Variants in KIF24 observed in about 807,000 individuals in gnomAD.
KIF24 encodes the protein kinesin family member 24, also known as kinesin-like protein KIF24.
In KIF24, 81 loss-of-function variants were observed where a neutral mutation model predicts 118.9. That is an observed-to-expected ratio of 0.68 (90% CI 0.57 to 0.82). The LOEUF is 0.82. Among genes scored for constraint, KIF24 ranks in the 40% least tolerant of loss-of-function variants. The pLI is 0.00. For missense variants in KIF24, 1,560 were observed against 1,661.6 expected (o/e 0.94, Z 1.06); for synonymous variants, 599 against 610.0 (o/e 0.98, Z 0.27).
intron 8 of KIF24, among the ~76,000 whole-genome samples, chr9:34,268,416 A>G (rs1835372613): frequency 6.6e-6 from 1 of 152,056 alleles, no homozygotes; most frequent in Non-Finnish European, 1.5e-5. Context: ...TCGGCCTCCA[A>G]AAGTGTTGGG....
At chr9:34,329,391 G>A (rs1445250999), upstream of KIF24, 1 of 152,260 alleles carries the variant, frequency 6.6e-6, no homozygotes, top group African/African-American at 2.4e-5. Context: ...GAAACCGTGG[G>A]CGTAACTCTC....
Position 34,269,319 on chromosome 9 carries a change from C to CA in KIF24, c.1380dup (p.Ala461CysfsTer6). 1.2e-6 allele frequency: 2 copies of CA among 1,611,902 alleles called. No homozygotes were observed. Among genetic ancestry groups the CA allele is most frequent in the Non-Finnish European group, 1.7e-6 (2 of 1,178,456 alleles). On this transcript the variant is annotated frameshift_variant, in exon 8 of 13. Transcript: ENST00000402558. LOFTEE classifies it high-confidence loss of function. Reference sequence around the variant, plus strand: ...TTTGTCTGTCTATCTGAGTCCCTTGCATCTGCTGCTCTTTCACTGCCAGCC... The same window carrying CA: ...TTTGTCTGTCTATCTGAGTCCCTTGCAATCTGCTGCTCTTTCACTGCCAGCC...
chr9:34,321,706 A>G (rs749947172), intron 1 of KIF24, among the ~76,000 whole-genome samples: 1 of 151,042 alleles, frequency 6.6e-6, no homozygotes, highest in Admixed American at 6.6e-5. Flanking sequence ...TCCTGGGCTC[A>G]ACCAATCCTC....
intron 6 of KIF24, among the ~76,000 whole-genome samples, chr9:34,273,185 CT>C (rs200436048): frequency 6.7e-5 from 10 of 148,904 alleles, no homozygotes; most frequent in African/African-American, 1.7e-4. Context: ...TGTATTTTTT[CT>C]TTTTTTTTTC....
At chr9:34,312,225 T>C (rs1837193842) in intron 1 of KIF24, among the ~76,000 whole-genome samples, 1 of 152,184 alleles carries the variant, frequency 6.6e-6, no homozygotes, top group South Asian at 2.1e-4. Flanking sequence ...CTGTACAGAA[T>C]ATGAATCAAA....
intron 7 of KIF24, 30 bp downstream of exon 7, chr9:34,271,779 C>A (rs370830158): frequency 1.9e-4 from 313 of 1,609,424 alleles, no homozygotes; most frequent in Non-Finnish European, 2.5e-4. Context: ...GAAAGGCAGA[C>A]AATGTAACTC....
At chr9:34,266,271 C>G (rs1835285744) in intron 8 of KIF24, among the ~76,000 whole-genome samples, 1 of 151,962 alleles carries the variant, frequency 6.6e-6, no homozygotes, top group Admixed American at 6.6e-5. Context: ...AAAAATAACA[C>G]CTTATTTATT....
chr9:34,269,665 C>T (rs945424101), intron 7 of KIF24, among the ~76,000 whole-genome samples: 10 of 152,048 alleles, frequency 6.6e-5, no homozygotes, highest in African/African-American at 2.2e-4. Context: ...GTGATCCGCC[C>T]GCCTTGGCCT....
rs1237487306 is a variant in KIF24, at chr9:34,318,083, T to C, written c.-25-6712A>G. 1.3e-5 allele frequency among the ~76,000 whole-genome samples: 2 copies of C among 152,082 alleles called. No individual in the cohort carries two copies. The highest frequency in any genetic ancestry group is 2.9e-5 in the Non-Finnish European group (2 of 68,010). On this transcript the variant is annotated intron_variant, in intron 1 of 12. Transcript: ENST00000402558. This position sits in a 1 kb window ranked among gnomAD's most constrained non-coding sequence, Gnocchi z 4.9. ...CTTTAAGAATCCTTTCCTCAACATG[T>C]AGAAGCCTGATTAGAAAATTAGGGA...
Position 34,257,988 on chromosome 9 carries a change from A to C in KIF24, c.1626-7T>G. 1 of 1,561,258 alleles carries C rather than the reference A, an allele frequency of 6.4e-7. No individual in the cohort carries two copies. Among genetic ancestry groups the C allele is most frequent in the Non-Finnish European group, 8.7e-7 (1 of 1,153,050 alleles). On this transcript the variant is annotated splice_polypyrimidine_tract_variant and splice_region_variant and intron_variant, in intron 10 of 12. Transcript: ENST00000402558. Reference sequence around the variant, plus strand: ...TTTCTTTAGTTCTTTGACCCTGTAAATAATCATTTTATGTTAAATGTGTAT... The same window carrying C: ...TTTCTTTAGTTCTTTGACCCTGTAACTAATCATTTTATGTTAAATGTGTAT...
intron 6 of KIF24, among the ~76,000 whole-genome samples, chr9:34,277,682 G>A (rs1478477635): frequency 6.6e-6 from 1 of 152,126 alleles, no homozygotes; most frequent in Non-Finnish European, 1.5e-5. Flanking sequence ...ATATATTTTA[G>A]AGAAGGCATG....
At chr9:34,314,680 C>A (rs1837279172) in intron 1 of KIF24, among the ~76,000 whole-genome samples, 1 of 152,174 alleles carries the variant, frequency 6.6e-6, no homozygotes. Flanking sequence ...CCTCTAGGAA[C>A]CTATCCTTAT....
intron 9 of KIF24, among the ~76,000 whole-genome samples, chr9:34,261,794 A>T (rs1387841554): frequency 2.6e-5 from 4 of 152,160 alleles, no homozygotes; most frequent in African/African-American, 4.8e-5. Flanking sequence ...ACATATAGAA[A>T]ATCTAGCTCA....
chr9:34,319,249 A>G, intron 1 of KIF24: 1 of 1,366,592 alleles, frequency 7.3e-7, no homozygotes, highest in Admixed American at 1.7e-5. Context: ...AGGCCTTAAA[A>G]AGCTGGTAAC....
upstream of KIF24, among the ~76,000 whole-genome samples, chr9:34,331,877 C>T (rs1395171630): frequency 6.6e-6 from 1 of 152,216 alleles, no homozygotes; most frequent in African/African-American, 2.4e-5. Flanking sequence ...AAGCCTTTCT[C>T]TTTCCCTTGG....
At chr9:34,285,704 G>A (rs958364537) in intron 6 of KIF24, among the ~76,000 whole-genome samples, 3 of 150,834 alleles carry the variant, frequency 2.0e-5, no homozygotes, top group Admixed American at 2.0e-4. Flanking sequence ...GAACCCGGGA[G>A]GCAGAGCTTG....
chr9:34,306,538 T>C lies in KIF24; in HGVS notation c.624-97A>G, dbSNP rs543569514. 878 of 798,370 alleles carry C rather than the reference T, an allele frequency of 1.1e-3. 3 individuals carry two copies. Among genetic ancestry groups the C allele is most frequent in the Non-Finnish European group, 1.6e-3 (787 of 501,144 alleles). 49.5% of individuals were successfully genotyped at this position (798,370 alleles called of 1,614,324 possible). On this transcript the variant is annotated intron_variant, in intron 2 of 12. Transcript: ENST00000402558. ...TACCTTTTAGCCGGGCGCGGTGGCTTACGCCTGTAATCCCAGCACTTTGAG... is the reference window on the plus strand; with the variant it reads ...TACCTTTTAGCCGGGCGCGGTGGCTCACGCCTGTAATCCCAGCACTTTGAG...
At chr9:34,290,944 C>CAACTCTAGAAGATAAAGA (rs1369342953) in intron 4 of KIF24, among the ~76,000 whole-genome samples, 5 of 152,036 alleles carry the variant, frequency 3.3e-5, no homozygotes, top group Non-Finnish European at 5.9e-5. Context: ...GTAAGAGAAA[C>CAACTCTAGAAGATAAAGA]AACTCTAGAA....
upstream of KIF24, among the ~76,000 whole-genome samples, chr9:34,333,671 AAG>A: frequency 6.7e-6 from 1 of 150,054 alleles, no homozygotes; most frequent in Non-Finnish European, 1.5e-5. Context: ...AAAAAAAAAA[AAG>A]GACTGGGAAT....
Sources: allele counts gnomAD v4.1 joint callset (sites outside exome capture counted in the v4.1 genomes callset), GRCh38; gene constraint gnomAD v4.1.1; non-coding constraint Gnocchi (gnomAD v3.1); transcripts MANE v1.5; gene names NCBI Gene and HGNC (gene_info 2026-07-23, HGNC 2026-07-21).